Variants in HS6ST3 observed in about 807,000 individuals in gnomAD.
The protein encoded by HS6ST3 is heparan sulfate 6-O-sulfotransferase 3, also known as heparan-sulfate 6-O-sulfotransferase 3.
In HS6ST3, 12 loss-of-function variants were observed where a neutral mutation model predicts 36.7. The observed-to-expected ratio is 0.33, with a 90% confidence interval of 0.21 to 0.53. The LOEUF (loss-of-function observed/expected upper bound fraction) is 0.53. Among genes scored for constraint, HS6ST3 ranks in the 20% least tolerant of loss-of-function variants. HS6ST3 has a pLI of 0.95. For synonymous variants in HS6ST3, 240 were observed against 257.5 expected (o/e 0.93, Z 0.65); for missense variants, 584 against 640.9 (o/e 0.91, Z 0.96).
chr13:96,534,474 G>T (rs959837182), intron 1 of HS6ST3, among the ~76,000 whole-genome samples: 2 of 152,126 alleles, frequency 1.3e-5, no homozygotes, highest in Non-Finnish European at 2.9e-5. Context: ...GGTTGTTAGG[G>T]GGTCTAAATG....
At chr13:96,727,741 G>C (rs752051555) in intron 1 of HS6ST3, among the ~76,000 whole-genome samples, 4 of 152,078 alleles carry the variant, frequency 2.6e-5, no homozygotes, top group Admixed American at 6.5e-5. Flanking sequence ...TTCAATCACA[G>C]TCAATTATTC....
intron 1 of HS6ST3, among the ~76,000 whole-genome samples, chr13:96,657,380 G>C (rs2056629425): frequency 6.6e-6 from 1 of 152,024 alleles, no homozygotes; most frequent in South Asian, 2.1e-4. Flanking sequence ...GGGCAATATA[G>C]GGAGGTGGCA....
intron 1 of HS6ST3, among the ~76,000 whole-genome samples, chr13:96,725,523 C>G (rs780767931): frequency 1.3e-5 from 2 of 152,072 alleles, no homozygotes; most frequent in East Asian, 3.9e-4. Context: ...GCATTATGTT[C>G]CATTCCAAGT....
intron 1 of HS6ST3, among the ~76,000 whole-genome samples, chr13:96,498,960 T>C (rs552145530): frequency 6.6e-6 from 1 of 152,216 alleles, no homozygotes; most frequent in Admixed American, 6.5e-5. Context: ...TTCTTATGAA[T>C]TTTCTATCAT....
rs375598847 is a variant in HS6ST3 at position 96,364,746 on chromosome 13, A to G, written c.707+273177A>G. Among the ~76,000 whole-genome samples the G allele has an allele frequency of 5.3e-5, 8 of 152,182 alleles. No individual in the cohort carries two copies. The East Asian group carries it at 1.4e-3, about 26-fold the overall frequency. On this transcript the variant is annotated intron_variant, in intron 1 of 1. Coordinates refer to ENST00000376705, the MANE Select transcript of HS6ST3 (RefSeq NM_153456.4). The stretch of plus-strand genomic sequence containing the variant: ...CCACTGAAGTGTACGCTTAAAAATA[A>G]TTAAAATCTCAAGTTTTGTGTTATG...
intron 1 of HS6ST3, among the ~76,000 whole-genome samples, chr13:96,160,756 G>C (rs1006409401): frequency 1.1e-4 from 16 of 152,222 alleles, no homozygotes; most frequent in Non-Finnish European, 1.3e-4. Context: ...CTTATTTTCT[G>C]CTCCCAGAGG....
intron 1 of HS6ST3, among the ~76,000 whole-genome samples, chr13:96,507,030 A>T (rs1017028862): frequency 6.6e-6 from 1 of 152,160 alleles, no homozygotes; most frequent in Non-Finnish European, 1.5e-5. Context: ...TGACAATGAG[A>T]AAAATTAATT....
At chr13:96,732,440 G>A (rs142786747) in intron 1 of HS6ST3, among the ~76,000 whole-genome samples, 35 of 151,204 alleles carry the variant, frequency 2.3e-4, no homozygotes, top group African/African-American at 5.8e-4. Context: ...TTTTTTCCCC[G>A]TTGTGCGTTC....
chr13:96,559,071 AATCTATCTATCTATCT>A lies in HS6ST3; in HGVS notation c.708-273380_708-273365del, dbSNP rs3051060. 7.7e-3 allele frequency among the ~76,000 whole-genome samples: 1,130 copies of A among 147,526 alleles called. 5 individuals are homozygous for A. The highest frequency in any genetic ancestry group is 0.014 in the African/African-American group (554 of 39,822). On this transcript the variant is annotated intron_variant, in intron 1 of 1. Transcript: ENST00000376705. ...ACCAATTCTAAGTGAGAATCTATATAATCTATCTATCTATCTATCTATCTATCTATCTATCTATCTA... is the reference window on the plus strand; with the variant it reads ...ACCAATTCTAAGTGAGAATCTATATAATCTATCTATCTATCTATCTATCTA...
intron 1 of HS6ST3, among the ~76,000 whole-genome samples, chr13:96,227,277 A>T (rs2054485341): frequency 6.6e-6 from 1 of 152,224 alleles, no homozygotes; most frequent in Non-Finnish European, 1.5e-5. Context: ...GAGCCATGCT[A>T]ATCAATTTCA....
At chr13:96,343,206 G>C (rs1053805666) in intron 1 of HS6ST3, among the ~76,000 whole-genome samples, 5 of 152,198 alleles carry the variant, frequency 3.3e-5, no homozygotes, top group African/African-American at 1.2e-4. Context: ...TTGTAACCAA[G>C]TACCACAGAC....
chr13:96,429,729 C>A (rs370535046), intron 1 of HS6ST3, among the ~76,000 whole-genome samples: 1 of 152,166 alleles, frequency 6.6e-6, no homozygotes, highest in Non-Finnish European at 1.5e-5. Flanking sequence ...AAATTCCTAA[C>A]CCTCTAAGAA....
chr13:96,695,023 T>A (rs12873839), intron 1 of HS6ST3, among the ~76,000 whole-genome samples: 13,678 of 152,224 alleles, frequency 0.09, 1,113 homozygotes, highest in African/African-American at 0.21. Context: ...ATCAGCTAAG[T>A]GTTTGAACAT....
chr13:96,656,655 G>A (rs757772167), intron 1 of HS6ST3, among the ~76,000 whole-genome samples: 4 of 152,044 alleles, frequency 2.6e-5, no homozygotes, highest in Non-Finnish European at 4.4e-5. Flanking sequence ...GACAATGTGC[G>A]GCTCTGAGCT....
intron 1 of HS6ST3, among the ~76,000 whole-genome samples, chr13:96,749,128 C>T (rs1467322419): frequency 6.6e-6 from 1 of 152,150 alleles, no homozygotes; most frequent in South Asian, 2.1e-4. Context: ...AAATGAGCAA[C>T]TTTCAGGTAC....
intron 1 of HS6ST3, among the ~76,000 whole-genome samples, chr13:96,648,468 A>T (rs1418270772): frequency 7.2e-6 from 1 of 139,082 alleles, no homozygotes; most frequent in African/African-American, 2.7e-5. Context: ...TCATATGCTG[A>T]GCACTTTCCA....
intron 1 of HS6ST3, among the ~76,000 whole-genome samples, chr13:96,285,363 T>C (rs1234877790): frequency 1.3e-5 from 2 of 152,212 alleles, no homozygotes; most frequent in African/African-American, 4.8e-5. Context: ...TTTAGTGCTA[T>C]TTATTCTACT....
intron 1 of HS6ST3, among the ~76,000 whole-genome samples, chr13:96,425,623 G>A (rs1422098614): frequency 6.6e-6 from 1 of 152,080 alleles, no homozygotes; most frequent in African/African-American, 2.4e-5. Flanking sequence ...CTGTGTGTGT[G>A]TGTGTATGTG....
chr13:96,546,873 A>T (rs1360886665), intron 1 of HS6ST3, among the ~76,000 whole-genome samples: 1 of 152,208 alleles, frequency 6.6e-6, no homozygotes, highest in Non-Finnish European at 1.5e-5. Flanking sequence ...TCGGCCTGGG[A>T]CCATGCAAGG....
Sources: gnomAD v4.1 joint callset for allele counts (sites outside exome capture counted in the v4.1 genomes callset) on GRCh38, gnomAD v4.1.1 for gene constraint, MANE v1.5 for transcripts, NCBI Gene and HGNC (gene_info 2026-07-23, HGNC 2026-07-21) for gene names.